ETS1: variants seen among roughly 807,000 people sequenced by gnomAD.
ETS1 encodes the protein protein C-ets-1.
A neutral mutation model predicts 58.6 loss-of-function variants in ETS1; 15 were observed. The ratio of observed to expected loss-of-function variants is 0.26; its 90% confidence interval spans 0.17 to 0.39. The LOEUF (loss-of-function observed/expected upper bound fraction) is 0.39, where lower values mean the gene tolerates loss of function less well. Among genes scored for constraint, ETS1 ranks in the 10% least tolerant of loss-of-function variants. ETS1 has a pLI of 1.00. For synonymous variants in ETS1, 214 were observed against 218.2 expected, an observed-to-expected ratio of 0.98 and a Z score of 0.17; for missense variants, 417 against 610.5, an observed-to-expected ratio of 0.68 and a Z score of 3.34.
At chr11:128,509,665 G>A (rs575377414) in intron 3 of ETS1, among the ~76,000 whole-genome samples, 2 of 149,958 alleles carry the variant, frequency 1.3e-5, no homozygotes, top group African/African-American at 4.9e-5. Flanking sequence ...AAGCCTGACA[G>A]AGAACACATC....
chr11:128,553,069 C>A (rs549370710), intron 3 of ETS1, among the ~76,000 whole-genome samples: 1 of 152,300 alleles, frequency 6.6e-6, no homozygotes, highest in African/African-American at 2.4e-5. Flanking sequence ...ACATTTCAGC[C>A]GTGTCTTGTG....
At chr11:128,579,636 G>A (rs566781290) in intron 1 of ETS1, among the ~76,000 whole-genome samples, 8 of 148,358 alleles carry the variant, frequency 5.4e-5, no homozygotes, top group South Asian at 4.3e-4. Flanking sequence ...ACTCCCACCC[G>A]GCAACAAGAG....
At chr11:128,466,319 A>T (rs1269309588) in intron 8 of ETS1, among the ~76,000 whole-genome samples, 1 of 152,162 alleles carries the variant, frequency 6.6e-6, no homozygotes, top group Non-Finnish European at 1.5e-5. Context: ...AAGCCGAGGA[A>T]AGGGATGGGA....
At chr11:128,584,991 G>A (rs12798812) in intron 1 of ETS1, among the ~76,000 whole-genome samples, 944 of 11,500 alleles carry the variant, frequency 0.082, 98 homozygotes, top group East Asian at 0.14. Flanking sequence ...AGAAAGAAAG[G>A]AAGGAAGGAA....
intron 8 of ETS1, among the ~76,000 whole-genome samples, chr11:128,465,857 C>A (rs932477720): frequency 1.3e-5 from 2 of 152,210 alleles, no homozygotes; most frequent in African/African-American, 4.8e-5. Context: ...TTTGTTTCTA[C>A]CACTTCACAG....
intron 3 of ETS1, among the ~76,000 whole-genome samples, chr11:128,516,795 G>T (rs1414029108): frequency 6.6e-6 from 1 of 152,120 alleles, no homozygotes; most frequent in Non-Finnish European, 1.5e-5. Flanking sequence ...ACTATCTATG[G>T]CCTCTCTGCA....
rs184718183 is a variant in ETS1 at position 128,566,594 on chromosome 11, T to C, written c.69+6468A>G. Among the ~76,000 whole-genome samples the C allele has an allele frequency of 1.4e-4, 21 of 152,082 alleles. No homozygotes were observed. In the East Asian group the frequency reaches 1.5e-3, roughly 11 times the overall value. ...GTCAGGAGATCGAGACCATCCTGGC[T>C]AACACAGTGAAACCCCGTCTCTACT... On this transcript the variant is annotated intron_variant, in intron 2 of 9. Transcript: ENST00000392668.
chr11:128,583,067 G>A (rs1864907252), intron 1 of ETS1, among the ~76,000 whole-genome samples: 1 of 152,154 alleles, frequency 6.6e-6, no homozygotes, highest in Admixed American at 6.5e-5. Context: ...GTCTGCTGCA[G>A]TAGGTCTGAG....
chr11:128,557,557 G>A (rs987587578), intron 2 of ETS1, among the ~76,000 whole-genome samples: 2 of 152,104 alleles, frequency 1.3e-5, no homozygotes, highest in Admixed American at 1.3e-4. Context: ...CCTGGAAATG[G>A]CCACATAGGT....
At chr11:128,514,126 T>C (rs1434347251) in intron 3 of ETS1, among the ~76,000 whole-genome samples, 4 of 152,204 alleles carry the variant, frequency 2.6e-5, no homozygotes, top group African/African-American at 9.7e-5. Flanking sequence ...GAGGTTATTT[T>C]CCATTTGTAC....
intron 3 of ETS1, among the ~76,000 whole-genome samples, chr11:128,514,459 T>G (rs150051530): frequency 6.6e-6 from 1 of 152,304 alleles, no homozygotes; most frequent in African/African-American, 2.4e-5. Context: ...TGCAGCATTC[T>G]TCCCACGCTG....
At chr11:128,477,538 G>A (rs1238627834) in intron 8 of ETS1, among the ~76,000 whole-genome samples, 5 of 152,120 alleles carry the variant, frequency 3.3e-5, no homozygotes, top group Admixed American at 1.3e-4. Flanking sequence ...TGAGGTTGGC[G>A]GGGGCACCAT....
chr11:128,578,187 C>T (rs1864791888), intron 1 of ETS1, among the ~76,000 whole-genome samples: 1 of 152,160 alleles, frequency 6.6e-6, no homozygotes, highest in Admixed American at 6.5e-5. Context: ...CTCTCACTTC[C>T]TTTCACCCAA....
At chr11:128,495,512 G>C (rs1225996617) in intron 3 of ETS1, among the ~76,000 whole-genome samples, 1 of 152,194 alleles carries the variant, frequency 6.6e-6, no homozygotes, top group African/African-American at 2.4e-5. Flanking sequence ...AAGCAAATGA[G>C]TTAAGTGAAA....
At chr11:128,531,926 C>T (rs891422034) in intron 3 of ETS1, among the ~76,000 whole-genome samples, 1 of 152,180 alleles carries the variant, frequency 6.6e-6, no homozygotes, top group African/African-American at 2.4e-5. Context: ...CACCTTACTG[C>T]ACTCACTTCA....
chr11:128,488,938 A>T (rs965512781), intron 5 of ETS1, among the ~76,000 whole-genome samples: 1 of 152,178 alleles, frequency 6.6e-6, no homozygotes, highest in Non-Finnish European at 1.5e-5. Context: ...AAACAAAAAC[A>T]AAAACAAAAA....
rs542525700 is a variant in ETS1 at position 128,480,787 on chromosome 11, A to T, written c.863-336T>A. Among the ~76,000 whole-genome samples the T allele has an allele frequency of 4.0e-4, 61 of 152,288 alleles. 3 individuals are homozygous for T. The South Asian group carries it at 0.013, about 32-fold the overall frequency. On this transcript the variant is annotated intron_variant, in intron 7 of 9. Transcript: ENST00000392668. ...AAAGCCAGAAATCTAGAAGCTGAGG[A>T]TCACACATGTTATGATATGATTTCT... is the stretch of plus-strand genomic sequence containing the variant.
chr11:128,582,937 T>A (rs976129854), intron 1 of ETS1, among the ~76,000 whole-genome samples: 2 of 152,058 alleles, frequency 1.3e-5, no homozygotes, highest in African/African-American at 4.8e-5. Context: ...TAGTGCAAGA[T>A]TTCTTGTTTG....
At chr11:128,587,309 G>A (rs1865050890) in intron 1 of ETS1, among the ~76,000 whole-genome samples, 179 bp downstream of exon 1, 1 of 152,142 alleles carries the variant, frequency 6.6e-6, no homozygotes. Flanking sequence ...AGGTTAGGAA[G>A]TATTTTTGAA....
Sources: allele counts gnomAD v4.1 joint callset (sites outside exome capture counted in the v4.1 genomes callset), GRCh38; gene constraint gnomAD v4.1.1; transcripts MANE v1.5; gene names NCBI Gene and HGNC (gene_info 2026-07-23, HGNC 2026-07-21).